The following PTPRG variants were observed in gnomAD, a reference collection of about 807,000 sequenced individuals.
The protein encoded by PTPRG is receptor-type tyrosine-protein phosphatase gamma.
A neutral mutation model predicts 165.3 loss-of-function variants in PTPRG; 102 were observed. The observed-to-expected ratio is 0.62, with a 90% confidence interval of 0.53 to 0.73. PTPRG has a LOEUF of 0.73. Ranked by LOEUF, PTPRG falls within the 30% of genes least tolerant of loss-of-function variation. PTPRG has a pLI of 0.00. For synonymous variants in PTPRG, 675 were observed against 669.5 expected (o/e 1.01, Z -0.13); for missense variants, 1,866 against 1,861.4 (o/e 1.00, Z -0.05).
chr3:62,167,567 T>A (rs938351738), intron 7 of PTPRG, among the ~76,000 whole-genome samples: 2 of 152,180 alleles, frequency 1.3e-5, no homozygotes, highest in African/African-American at 4.8e-5. Flanking sequence ...GGGTAGGCGA[T>A]GGAGTTAGTA....
At chr3:62,167,915 G>A (rs1013935682) in intron 7 of PTPRG, 56 bp from the exon 8 acceptor site, 1 of 1,495,288 alleles carries the variant, frequency 6.7e-7, no homozygotes, top group South Asian at 1.1e-5. Context: ...TCTAATTGAT[G>A]TGTGTTTTTT....
intron 1 of PTPRG, among the ~76,000 whole-genome samples, chr3:61,667,513 A>C (rs1292651363): frequency 6.6e-6 from 1 of 152,228 alleles, no homozygotes; most frequent in African/African-American, 2.4e-5. Context: ...GACTCTAAGC[A>C]CTTTTCCCAT....
intron 8 of PTPRG, among the ~76,000 whole-genome samples, chr3:62,181,056 A>C (rs1705625836): frequency 6.6e-6 from 1 of 152,232 alleles, no homozygotes; most frequent in African/African-American, 2.4e-5. Context: ...GAGAAACTGA[A>C]TTGTAATTCA....
At chr3:61,934,388 C>T (rs1257961967) in intron 2 of PTPRG, among the ~76,000 whole-genome samples, 2 of 151,924 alleles carry the variant, frequency 1.3e-5, no homozygotes, top group African/African-American at 4.8e-5. Flanking sequence ...AATATCTTTT[C>T]TCGGTGTGTG....
intron 2 of PTPRG, among the ~76,000 whole-genome samples, chr3:61,803,611 C>T (rs886531245): frequency 2.7e-5 from 4 of 148,938 alleles, no homozygotes; most frequent in African/African-American, 1.0e-4. Context: ...ATTTTTTCCC[C>T]CAAAGGATTT....
intron 2 of PTPRG, among the ~76,000 whole-genome samples, chr3:61,763,626 C>T (rs1381198051): frequency 1.1e-4 from 17 of 151,592 alleles, no homozygotes; most frequent in Admixed American, 3.3e-4. Flanking sequence ...CCGCCTCAGC[C>T]TCCCAAAGTG....
chr3:62,155,679 A>G (rs560929423), intron 6 of PTPRG, among the ~76,000 whole-genome samples: 2 of 152,312 alleles, frequency 1.3e-5, no homozygotes, highest in South Asian at 2.1e-4. Context: ...GGAAATTGCA[A>G]TTTTAATTAT....
intron 14 of PTPRG, among the ~76,000 whole-genome samples, chr3:62,239,695 C>A (rs1701116260): frequency 6.6e-6 from 1 of 152,108 alleles, no homozygotes; most frequent in South Asian, 2.1e-4. Context: ...TTCCCCTGCG[C>A]TCAAAATTAG....
At chr3:62,286,736 A>G (rs1443216434) in intron 28 of PTPRG, among the ~76,000 whole-genome samples, 2 of 152,178 alleles carry the variant, frequency 1.3e-5, no homozygotes, top group African/African-American at 2.4e-5. Flanking sequence ...CAAACAAAAT[A>G]TCAAAGCCAG....
chr3:61,593,380 T>G (rs1700621198), intron 1 of PTPRG, among the ~76,000 whole-genome samples: 1 of 135,692 alleles, frequency 7.4e-6, no homozygotes, highest in African/African-American at 2.8e-5. Flanking sequence ...CTTTGTTAGC[T>G]AGGTAAAAAT....
chr3:61,994,013 C>T (rs559428936), intron 3 of PTPRG, among the ~76,000 whole-genome samples: 4 of 152,292 alleles, frequency 2.6e-5, no homozygotes, highest in African/African-American at 9.6e-5. Context: ...GCCCACTTCT[C>T]GAAAGTTGTC....
At chr3:61,607,201 TA>T (rs1463547560) in intron 1 of PTPRG, among the ~76,000 whole-genome samples, 1 of 152,218 alleles carries the variant, frequency 6.6e-6, no homozygotes, top group Non-Finnish European at 1.5e-5. Context: ...GTATTCTGTG[TA>T]CCTCCTTCCT....
chr3:62,160,522 G>T (rs1291639539), intron 7 of PTPRG, among the ~76,000 whole-genome samples: 1 of 152,260 alleles, frequency 6.6e-6, no homozygotes, highest in African/African-American at 2.4e-5. Flanking sequence ...CAAAATGGCA[G>T]CACTCTCGGC....
chr3:62,230,983 C>T (rs1176193160), intron 13 of PTPRG, among the ~76,000 whole-genome samples: 1 of 152,096 alleles, frequency 6.6e-6, no homozygotes. Context: ...ATAGAGGCTG[C>T]GAATATGTAA....
chr3:62,147,591 A>G (rs1399581982), intron 6 of PTPRG, among the ~76,000 whole-genome samples: 1 of 152,230 alleles, frequency 6.6e-6, no homozygotes, highest in Non-Finnish European at 1.5e-5. Context: ...TATTGGAATA[A>G]TGATGCATCT....
chr3:61,750,540 GA>G (rs2033386875), intron 2 of PTPRG: 1 of 152,156 alleles, frequency 6.6e-6, no homozygotes, highest in South Asian at 2.1e-4. Flanking sequence ...CATTGTGTCT[GA>G]ATTTGGGTAT....
intron 2 of PTPRG, among the ~76,000 whole-genome samples, chr3:61,799,070 C>T (rs1362873110): frequency 6.6e-6 from 1 of 151,974 alleles, no homozygotes; most frequent in African/African-American, 2.4e-5. Context: ...TAGAACTCTA[C>T]TATTTTCATA....
At chr3:62,137,200 C>G (rs1193440766) in intron 6 of PTPRG, among the ~76,000 whole-genome samples, 1 of 152,142 alleles carries the variant, frequency 6.6e-6, no homozygotes, top group Non-Finnish European at 1.5e-5. Flanking sequence ...AATTGTAAAT[C>G]CTATTCACTG....
At chr3:61,773,561 T>C (rs936237197) in intron 2 of PTPRG, among the ~76,000 whole-genome samples, 7 of 152,160 alleles carry the variant, frequency 4.6e-5, no homozygotes, top group African/African-American at 1.2e-4. Context: ...AAAAGTGTTT[T>C]AGGTTAGTAA....
Sources: allele counts gnomAD v4.1 joint callset (sites outside exome capture counted in the v4.1 genomes callset), GRCh38; gene constraint gnomAD v4.1.1; transcripts MANE v1.5; gene names NCBI Gene and HGNC (gene_info 2026-07-23, HGNC 2026-07-21).